Variants in CACNA1H observed in about 807,000 individuals in gnomAD.
CACNA1H encodes the protein voltage-dependent T-type calcium channel subunit alpha-1H.
CACNA1H carries 149 observed loss-of-function variants against 192.5 expected under a neutral mutation model. The ratio of observed to expected loss-of-function variants is 0.77; its 90% CI spans 0.68 to 0.89. CACNA1H has a LOEUF of 0.89. Among genes scored for constraint, CACNA1H ranks in the 40% least tolerant of loss-of-function variants. The pLI is 0.00. For missense variants in CACNA1H, 4,257 were observed against 3,423.5 expected, an observed-to-expected ratio of 1.24 and a Z score of -6.08; for synonymous variants, 2,202 against 1,475.2, an observed-to-expected ratio of 1.49 and a Z score of -11.29.
At chr16:1,196,277 T>G (rs1338996144) in intron 5 of CACNA1H, among the ~76,000 whole-genome samples, 1 of 152,234 alleles carries the variant, frequency 6.6e-6, no homozygotes, top group East Asian at 1.9e-4. Flanking sequence ...CACAGCCGAG[T>G]GACAGGGGCC....
intron 2 of CACNA1H, among the ~76,000 whole-genome samples, chr16:1,186,528 A>G (rs1038330336): frequency 6.6e-6 from 1 of 152,002 alleles, no homozygotes; most frequent in African/African-American, 2.4e-5. Context: ...CGGCGTTCTC[A>G]TCCTCCGGCG....
At chr16:1,210,739 A>T in intron 20 of CACNA1H, 48 bp from the exon 21 acceptor site, 1 of 1,585,036 alleles carries the variant, frequency 6.3e-7, no homozygotes, top group Non-Finnish European at 8.5e-7. Context: ...CCAGCTCCCC[A>T]GACCCCCCAC....
At chr16:1,185,228 C>T (rs1965865889) in intron 2 of CACNA1H, among the ~76,000 whole-genome samples, 2 of 152,200 alleles carry the variant, frequency 1.3e-5, no homozygotes, top group African/African-American at 2.4e-5. Flanking sequence ...GTGACCAGAC[C>T]ACGTTCCGTT....
intron 6 of CACNA1H, 165 bp downstream of exon 6, chr16:1,198,939 GC>G (rs1431355978): frequency 5.7e-6 from 3 of 524,416 alleles, no homozygotes; most frequent in African/African-American, 8.5e-5. Flanking sequence ...GCTGTCTCCC[GC>G]CCCCACCCCC....
intron 2 of CACNA1H, among the ~76,000 whole-genome samples, chr16:1,178,358 A>T (rs1324649883): frequency 1.4e-5 from 2 of 141,126 alleles, no homozygotes; most frequent in Non-Finnish European, 1.5e-5. Context: ...CCATATTCAT[A>T]TCTCAGAGTC....
At position 1,221,209 on chromosome 16, in the gene CACNA1H, C is replaced by T. The variant is rs556112411; in HGVS notation, c.*215C>T. ...CCTCCGTCCGTTCTGGTTCGGGTTT[C>T]TCCGAGTTTTGCTACCAGCCGAGGC... On this transcript the variant is annotated 3_prime_UTR_variant, in exon 35 of 35. Transcript: ENST00000348261. 7.8e-6 allele frequency: 4 copies of T among 514,342 alleles called. No individual in the cohort carries two copies. The highest frequency in any genetic ancestry group is 1.9e-5 in the African/African-American group (1 of 52,392). The allele number at this position is 514,342 out of a possible 1,614,324, so 31.9% of individuals were successfully genotyped here. A position where few individuals can be genotyped will look rare whatever the true frequency, so the allele number is the denominator to read the frequency against.
In CACNA1H at chr16:1,201,807, C is replaced by T; in HGVS notation, c.1357C>T (p.Pro453Ser). ...NDSTLASFSE[P>S]GSCYEELLKY... ...CAGCACGCTGGCCAGCTTCTCCGAGCCTGGCAGCTGCTACGAAGAGCTGCT... is the reference window on the plus strand; with the variant it reads ...CAGCACGCTGGCCAGCTTCTCCGAGTCTGGCAGCTGCTACGAAGAGCTGCT... Residue 453 changes from proline to serine, a missense_variant, in exon 9 of 35, where the codon CCT (proline) becomes TCT (serine). Pro to Ser is a moderately conservative substitution (Grantham distance 74). Transcript: ENST00000348261. The T allele has an allele frequency of 6.3e-7, 1 of 1,589,494 alleles. No homozygotes were observed. Among genetic ancestry groups the T allele is most frequent in the South Asian group, 1.1e-5 (1 of 87,440 alleles).
intron 23 of CACNA1H, 39 bp downstream of exon 23, chr16:1,211,645 G>C: frequency 6.2e-7 from 1 of 1,609,938 alleles, no homozygotes; most frequent in Non-Finnish European, 8.5e-7. Context: ...GGGTCTCCAG[G>C]ACACCCTGGA....
At position 1,204,117 on chromosome 16, in the gene CACNA1H, A is replaced by G. The variant is rs546123032; in HGVS notation, c.2110A>G (p.Thr704Ala). The G allele has an allele frequency of 6.2e-7, 1 of 1,611,912 alleles. No homozygotes were observed. Among genetic ancestry groups the G allele is most frequent in the South Asian group, 1.1e-5 (1 of 90,922 alleles). Residue 704 changes from threonine (T) to alanine (A), a missense_variant, in exon 10 of 35, where the codon ACC (threonine) becomes GCC (alanine). Coordinates refer to ENST00000348261, the MANE Select transcript of CACNA1H (RefSeq NM_021098.3). ...TGAGCTGAAGAGCTGCCCGTACTGC[A>G]CCCGTGCCCTGGAGGACCCGGAGGG... Reference protein sequence around the residue: ...TCELKSCPYCTRALEDPEGEL... With the variant: ...TCELKSCPYCARALEDPEGEL...
intron 27 of CACNA1H, among the ~76,000 whole-genome samples, chr16:1,214,634 G>A (rs1199037062): frequency 2.0e-5 from 3 of 152,208 alleles, no homozygotes; most frequent in Admixed American, 6.5e-5. Context: ...AGGGTGGGAG[G>A]TCAGGACACT....
intron 26 of CACNA1H, among the ~76,000 whole-genome samples, chr16:1,212,920 C>T (rs983013564): frequency 6.6e-6 from 1 of 152,218 alleles, no homozygotes; most frequent in South Asian, 2.1e-4. Context: ...GCATGAGGGT[C>T]GGGTGGCGGG....
intron 2 of CACNA1H, among the ~76,000 whole-genome samples, chr16:1,194,705 G>A (rs1966848566): frequency 6.6e-6 from 1 of 152,134 alleles, no homozygotes; most frequent in South Asian, 2.1e-4. Flanking sequence ...CCTGCACCCC[G>A]CTTTCCTGAT....
Position 1,204,198 on chromosome 16 carries a change from A to C in CACNA1H, c.2191A>C (p.Thr731Pro). Residue 731 changes from threonine to proline, a missense_variant, in exon 10 of 35, where the codon ACG (threonine) becomes CCG (proline). By Grantham distance (38) the Thr-to-Pro change is conservative (BLOSUM62 -1). Coordinates refer to ENST00000348261, the MANE Select transcript of CACNA1H (RefSeq NM_021098.3). Reference sequence around the variant, plus strand: ...AGATGGCCGTGGCGTCTATGAATTCACGCAGGACGTCCGGCACGGTGACCG... The same window carrying C: ...AGATGGCCGTGGCGTCTATGAATTCCCGCAGGACGTCCGGCACGGTGACCG... ...DSDGRGVYEF[T>P]QDVRHGDRWD... 6.2e-7 allele frequency: 1 copy of C among 1,612,188 alleles called. No individual in the cohort carries two copies. Among genetic ancestry groups the C allele is most frequent in the Non-Finnish European group, 8.5e-7 (1 of 1,179,640 alleles).
At chr16:1,171,055 C>T (rs1964318235) in intron 2 of CACNA1H, among the ~76,000 whole-genome samples, 1 of 152,128 alleles carries the variant, frequency 6.6e-6, no homozygotes, top group South Asian at 2.1e-4. Context: ...CCTCCCTCTT[C>T]CTGCACACCC....
chr16:1,155,836 C>T (rs1962288004), intron 2 of CACNA1H, among the ~76,000 whole-genome samples: 1 of 152,172 alleles, frequency 6.6e-6, no homozygotes, highest in Non-Finnish European at 1.5e-5. Context: ...GGGATGAGCT[C>T]TCCAGGGGGA....
chr16:1,206,622 C>T, intron 12 of CACNA1H: 1 of 433,782 alleles, frequency 2.3e-6, no homozygotes, highest in South Asian at 3.0e-5. Flanking sequence ...GTGTGCCCGT[C>T]TAGCCTGGAG....
intron 1 of CACNA1H, 94 bp from the exon 2 acceptor site, chr16:1,153,626 T>A (rs1961872644): frequency 1.3e-6 from 1 of 760,770 alleles, no homozygotes; most frequent in Non-Finnish European, 1.7e-6. Flanking sequence ...GACAAAGACA[T>A]CCCGGCGGCC....
Position 1,199,835 on chromosome 16 carries a change from C to T in CACNA1H, c.804-421C>T, listed in dbSNP as rs1226720614. The stretch of plus-strand genomic sequence containing the variant: ...CCTTTCCCTCACCCCAGGCTTCCCT[C>T]CCCTCGTCCCTTGCCCTTTGCCCCT... On this transcript the variant is annotated intron_variant, in intron 6 of 34. Transcript: ENST00000348261. Among the ~76,000 whole-genome samples, 7 of 152,072 alleles carry T rather than the reference C, an allele frequency of 4.6e-5. No individual in the cohort carries two copies. In the East Asian group the frequency reaches 5.8e-4, roughly 13 times the overall value.
chr16:1,208,237 T>C lies in CACNA1H; in HGVS notation c.3363+16T>C. The stretch of plus-strand genomic sequence containing the variant: ...GAAGCCTCCGGTAGGGACCATCTCC[T>C]GCCCCAGCTCTCAGGCCCCTTCAGG... On this transcript the variant is annotated intron_variant, in intron 16 of 34. Transcript: ENST00000348261. The C allele has an allele frequency of 3.9e-6, 6 of 1,534,836 alleles. No homozygotes were observed. Among genetic ancestry groups the C allele is most frequent in the East Asian group, 2.4e-5 (1 of 41,172 alleles).
Sources: gnomAD v4.1 joint callset for allele counts (sites outside exome capture counted in the v4.1 genomes callset) on GRCh38, gnomAD v4.1.1 for gene constraint, MANE v1.5 for transcripts, NCBI Gene and HGNC (gene_info 2026-07-23, HGNC 2026-07-21) for gene names.